DNAH9: variants seen among roughly 807,000 people sequenced by gnomAD.
The protein encoded by DNAH9 is dynein axonemal heavy chain 9.
DNAH9 carries 345 observed loss-of-function variants against 471.6 expected under a neutral mutation model. The observed-to-expected ratio is 0.73, with a 90% CI of 0.67 to 0.80. The LOEUF (loss-of-function observed/expected upper bound fraction) is 0.80, where lower values mean the gene tolerates loss of function less well. DNAH9 is among the 30% of genes least tolerant of loss of function. The pLI is 0.00. For synonymous variants in DNAH9, 2,093 were observed against 2,123.6 expected (o/e 0.99, Z 0.40); for missense variants, 5,407 against 5,609.2 (o/e 0.96, Z 1.15).
chr17:11,885,793 G>C (rs1457487439), intron 56 of DNAH9, among the ~76,000 whole-genome samples: 2 of 152,112 alleles, frequency 1.3e-5, no homozygotes, highest in African/African-American at 4.8e-5. Flanking sequence ...GTTTTGGAAA[G>C]GGGCCTTCTG....
At chr17:11,855,959 TTA>T (rs1971609519) in intron 50 of DNAH9, among the ~76,000 whole-genome samples, 1 of 152,230 alleles carries the variant, frequency 6.6e-6, no homozygotes, top group Middle Eastern at 3.4e-3. Flanking sequence ...ATTATGAGAA[TTA>T]AAGGATGTGA....
Position 11,870,273 on chromosome 17 carries a change from A to G in DNAH9, c.10053+1020A>G, listed in dbSNP as rs187893964. 2.7e-4 allele frequency among the ~76,000 whole-genome samples: 41 copies of G among 152,178 alleles called. No homozygotes were observed. In the South Asian group the frequency reaches 3.3e-3, roughly 12 times the overall value. ...ATGACAGGAATGTCAAAGAATTTAC[A>G]GCCTTTTAAATCTCCTATGGCTTGT... On this transcript the variant is annotated intron_variant, in intron 51 of 68. Transcript: ENST00000262442.
chr17:11,694,246 T>A, intron 21 of DNAH9, 75 bp from the exon 22 acceptor site: 1 of 1,503,274 alleles, frequency 6.7e-7, no homozygotes, highest in Admixed American at 1.8e-5. Flanking sequence ...TGCATATACA[T>A]ACATTTAAGT....
chr17:11,756,119 T>C (rs57397154), intron 33 of DNAH9, among the ~76,000 whole-genome samples: 2 of 151,856 alleles, frequency 1.3e-5, no homozygotes, highest in Non-Finnish European at 2.9e-5. Flanking sequence ...CTACAAAAAA[T>C]ACAAAAAATT....
chr17:11,639,836 T>C (rs1488622424), intron 9 of DNAH9, among the ~76,000 whole-genome samples: 1 of 152,180 alleles, frequency 6.6e-6, no homozygotes, highest in African/African-American at 2.4e-5. Context: ...ACCCCATCTC[T>C]ACTACAAATA....
intron 49 of DNAH9, chr17:11,853,151 G>A (rs367577459): frequency 6.6e-6 from 1 of 151,586 alleles, no homozygotes; most frequent in Admixed American, 6.6e-5. Context: ...CTGTATCCAG[G>A]GTAACTGAGC....
At chr17:11,699,107 G>C (rs1186741319) in intron 22 of DNAH9, among the ~76,000 whole-genome samples, 2 of 152,114 alleles carry the variant, frequency 1.3e-5, no homozygotes, top group South Asian at 2.1e-4. Flanking sequence ...AAATTAGCTG[G>C]GCATGGTGGC....
At chr17:11,631,946 G>T (rs1331545027) in intron 7 of DNAH9, among the ~76,000 whole-genome samples, 1 of 151,202 alleles carries the variant, frequency 6.6e-6, no homozygotes, top group Admixed American at 6.6e-5. Flanking sequence ...ATACATTAGG[G>T]TTGCCAGATA....
chr17:11,835,906 C>T (rs970898417), intron 49 of DNAH9, among the ~76,000 whole-genome samples: 1 of 152,216 alleles, frequency 6.6e-6, no homozygotes, highest in Non-Finnish European at 1.5e-5. Context: ...TAAGAGGCCC[C>T]CCATGCCGAA....
intron 31 of DNAH9, 136 bp from the exon 32 acceptor site, chr17:11,747,420 G>C: frequency 1.5e-6 from 1 of 660,306 alleles, no homozygotes; most frequent in Non-Finnish European, 2.7e-6. Flanking sequence ...CAGACCTCCT[G>C]ACATCTTGGG....
intron 67 of DNAH9, among the ~76,000 whole-genome samples, chr17:11,952,309 CTTTTTTTT>C (rs753276964): frequency 2.8e-5 from 2 of 71,078 alleles, no homozygotes; most frequent in African/African-American, 1.2e-4. Flanking sequence ...CCAGCTAATT[CTTTTTTTT>C]TTTTTTTTTT....
intron 17 of DNAH9, among the ~76,000 whole-genome samples, chr17:11,673,781 C>G (rs983104762): frequency 6.6e-6 from 1 of 152,078 alleles, no homozygotes; most frequent in African/African-American, 2.4e-5. Context: ...TCCCTCCTTG[C>G]AAGATGTTAC....
chr17:11,651,419 T>C lies in DNAH9; in HGVS notation c.2353+95T>C, dbSNP rs755187365. The C allele has an allele frequency of 2.1e-4, 279 of 1,324,654 alleles. 1 individual carries two copies. The highest frequency in any genetic ancestry group is 2.6e-4 in the Non-Finnish European group (255 of 971,618). 82.1% of individuals were successfully genotyped at this position (1,324,654 alleles called of 1,614,324 possible). ...TCCAATTATTCCCTGGTAATCTTAT[T>C]TGGGGTTGAAACATAAGTCTGTCTT... On this transcript the variant is annotated intron_variant, in intron 13 of 68. Transcript: ENST00000262442.
chr17:11,635,046 T>A (rs1056782496), intron 8 of DNAH9, among the ~76,000 whole-genome samples: 1 of 152,234 alleles, frequency 6.6e-6, no homozygotes, highest in African/African-American at 2.4e-5. Flanking sequence ...GTTTCTCATG[T>A]TCGTTGACTT....
At chr17:11,897,922 T>G (rs550595090) in intron 59 of DNAH9, among the ~76,000 whole-genome samples, 1 of 152,200 alleles carries the variant, frequency 6.6e-6, no homozygotes, top group African/African-American at 2.4e-5. Flanking sequence ...AAGCTGAAAT[T>G]AAGGTGTCAG....
At position 11,883,696 on chromosome 17, in the gene DNAH9, G is replaced by C. The variant is rs145691202; in HGVS notation, c.10917G>C (p.Val3639=). The C allele has an allele frequency of 3.3e-5, 53 of 1,614,140 alleles. No homozygotes were observed. The African/African-American group carries it at 5.3e-4, about 16-fold the overall frequency. The part of the protein sequence containing the change: ...SASGNFLGET[V]LVENLEITKQ... ...CTGGGAACTTCCTGGGAGAAACAGT[G>C]CTGGTGGAAAACCTAGAGATCACCA... is the stretch of plus-strand genomic sequence containing the variant. Residue 3639 remains valine (V), a synonymous_variant, in exon 56 of 69, where the codon GTG becomes GTC. Coordinates refer to ENST00000262442, the MANE Select transcript of DNAH9 (RefSeq NM_001372.4).
intron 36 of DNAH9, among the ~76,000 whole-genome samples, chr17:11,766,619 T>C (rs1378841596): frequency 6.6e-6 from 1 of 152,012 alleles, no homozygotes; most frequent in Non-Finnish European, 1.5e-5. Flanking sequence ...CCAGGGGACA[T>C]GGGGACTTCA....
chr17:11,746,056 A>T (rs1197348575), intron 31 of DNAH9, among the ~76,000 whole-genome samples: 1 of 152,256 alleles, frequency 6.6e-6, no homozygotes, highest in Admixed American at 6.5e-5. Flanking sequence ...TACTGAACAG[A>T]ATGACTTCAA....
intron 59 of DNAH9, among the ~76,000 whole-genome samples, chr17:11,899,943 G>A (rs1426948468): frequency 1.3e-5 from 2 of 152,176 alleles, no homozygotes; most frequent in South Asian, 2.1e-4. Context: ...TCACAGTCTT[G>A]TGGGAGTAAC....
Sources: allele counts gnomAD v4.1 joint callset (sites outside exome capture counted in the v4.1 genomes callset), GRCh38; gene constraint gnomAD v4.1.1; transcripts MANE v1.5; gene names NCBI Gene and HGNC (gene_info 2026-07-23, HGNC 2026-07-21).